Variants in ANO3 observed in about 807,000 individuals in gnomAD.
The protein encoded by ANO3 is anoctamin 3, also known as anoctamin-3.
Under a neutral mutation model 144.8 loss-of-function variants are expected in ANO3, and 99 were observed. The ratio of observed to expected loss-of-function variants is 0.68; its 90% CI spans 0.58 to 0.81. ANO3 has a LOEUF of 0.81. Among genes scored for constraint, ANO3 ranks in the 30% least tolerant of loss-of-function variants. ANO3 has a pLI of 0.00. For synonymous variants in ANO3, 414 were observed against 392.6 expected, an observed-to-expected ratio of 1.05 and a Z score of -0.64; for missense variants, 905 against 1,202.2, an observed-to-expected ratio of 0.75 and a Z score of 3.66.
chr11:26,474,519 T>C (rs1025341550), intron 4 of ANO3, among the ~76,000 whole-genome samples: 1 of 151,870 alleles, frequency 6.6e-6, no homozygotes, highest in Non-Finnish European at 1.5e-5. Flanking sequence ...TTCATCAAAA[T>C]AGAAAGTCAG....
intron 1 of ANO3, among the ~76,000 whole-genome samples, chr11:26,355,623 G>C (rs1855762251): frequency 6.7e-6 from 1 of 149,472 alleles, no homozygotes; most frequent in Non-Finnish European, 1.5e-5. Flanking sequence ...GCAATAGCAT[G>C]ATCTCAGCTC....
At chr11:26,470,859 T>C (rs1859756515) in intron 4 of ANO3, among the ~76,000 whole-genome samples, 1 of 151,960 alleles carries the variant, frequency 6.6e-6, no homozygotes, top group African/African-American at 2.4e-5. Flanking sequence ...ATACAGCTAA[T>C]AAATGACTGA....
intron 14 of ANO3, among the ~76,000 whole-genome samples, chr11:26,588,110 T>A (rs1851341279): frequency 6.6e-6 from 1 of 152,142 alleles, no homozygotes; most frequent in Non-Finnish European, 1.5e-5. Context: ...AACAGTATGG[T>A]CACTTCTGAA....
At chr11:26,253,577 AC>A (rs1401999936) in intron 1 of ANO3, among the ~76,000 whole-genome samples, 1 of 151,790 alleles carries the variant, frequency 6.6e-6, no homozygotes, top group African/African-American at 2.4e-5. Flanking sequence ...AAAAAAAAAA[AC>A]CTCACTGGAT....
At chr11:26,333,631 A>G (rs1855119336) in intron 1 of ANO3, among the ~76,000 whole-genome samples, 1 of 152,262 alleles carries the variant, frequency 6.6e-6, no homozygotes, top group Admixed American at 6.5e-5. Context: ...CACACAAGAA[A>G]CAATTTCGAA....
intron 4 of ANO3, among the ~76,000 whole-genome samples, chr11:26,463,653 C>A (rs1379987766): frequency 2.6e-5 from 4 of 151,792 alleles, no homozygotes; most frequent in African/African-American, 9.7e-5. Context: ...ATTGAGAATA[C>A]CTTATTGAAA....
At chr11:26,247,743 T>TTTTTTA in intron 1 of ANO3, among the ~76,000 whole-genome samples, 1 of 148,032 alleles carries the variant, frequency 6.8e-6, no homozygotes, top group Non-Finnish European at 1.5e-5. Flanking sequence ...TTTTTTTTTT[T>TTTTTTA]TTTGAGACGG....
chr11:26,485,467 A>T (rs1860408678), intron 4 of ANO3, among the ~76,000 whole-genome samples: 2 of 152,098 alleles, frequency 1.3e-5, no homozygotes. Flanking sequence ...CATGACTGTT[A>T]AGATTCCTGA....
At chr11:26,589,092 C>T (rs1851368743) in intron 14 of ANO3, among the ~76,000 whole-genome samples, 1 of 152,164 alleles carries the variant, frequency 6.6e-6, no homozygotes, top group Non-Finnish European at 1.5e-5. Flanking sequence ...AAAAACCAGC[C>T]TGAGGAATGT....
intron 14 of ANO3, among the ~76,000 whole-genome samples, chr11:26,578,318 TATG>T (rs1851042958): frequency 6.6e-6 from 1 of 151,752 alleles, no homozygotes; most frequent in Admixed American, 6.6e-5. Context: ...AGGGAGGAAA[TATG>T]GTCCTAAAGC....
intron 1 of ANO3, among the ~76,000 whole-genome samples, chr11:26,222,036 G>C (rs777501507): frequency 2.0e-5 from 3 of 152,048 alleles, no homozygotes; most frequent in Non-Finnish European, 4.4e-5. Context: ...CTTCCCAATA[G>C]TCCCCCCAAA....
At chr11:26,626,974 A>C (rs889731320) in intron 18 of ANO3, among the ~76,000 whole-genome samples, 1 of 152,122 alleles carries the variant, frequency 6.6e-6, no homozygotes, top group African/African-American at 2.4e-5. Context: ...GCAGTGTCTT[A>C]AGTAGGCAAT....
At chr11:26,480,101 G>A (rs570136391) in intron 4 of ANO3, among the ~76,000 whole-genome samples, 2 of 152,318 alleles carry the variant, frequency 1.3e-5, no homozygotes, top group East Asian at 3.9e-4. Context: ...GGCTGTAGAA[G>A]GAGTACAAGT....
At chr11:26,294,765 C>A (rs1480456393) in intron 1 of ANO3, among the ~76,000 whole-genome samples, 1 of 152,182 alleles carries the variant, frequency 6.6e-6, no homozygotes, top group Non-Finnish European at 1.5e-5. Flanking sequence ...TCGAAAAAAT[C>A]TTATGCCTTT....
At chr11:26,503,436 C>T (rs1364078727) in intron 4 of ANO3, among the ~76,000 whole-genome samples, 2 of 152,092 alleles carry the variant, frequency 1.3e-5, no homozygotes, top group African/African-American at 4.8e-5. Flanking sequence ...GGTTAATTAA[C>T]ATATTTGTGA....
At chr11:26,638,786 CATT>C (rs1853050800) in intron 20 of ANO3, among the ~76,000 whole-genome samples, 1 of 152,106 alleles carries the variant, frequency 6.6e-6, no homozygotes, top group Non-Finnish European at 1.5e-5. Context: ...ATATTATAAA[CATT>C]ATGCCATAGA....
At chr11:26,197,216 G>A (rs1851605527) in intron 1 of ANO3, among the ~76,000 whole-genome samples, 1 of 152,082 alleles carries the variant, frequency 6.6e-6, no homozygotes, top group Non-Finnish European at 1.5e-5. Context: ...AGTACCTTAT[G>A]TGATAGATGG....
rs186339173 is a variant in ANO3, at chr11:26,190,997, T to C, written c.154+1667T>C. ...GGTTAATATCTATCTTCTCTACCTCTATCTCCACCATGACAGCCTCTGTAC... is the reference window on the plus strand; with the variant it reads ...GGTTAATATCTATCTTCTCTACCTCCATCTCCACCATGACAGCCTCTGTAC... On this transcript the variant is annotated intron_variant, in intron 1 of 27. Transcript: ENST00000672621. Among the ~76,000 whole-genome samples the C allele has an allele frequency of 7.0e-4, 107 of 152,312 alleles. 1 individual carries two copies. The highest frequency in any genetic ancestry group is 3.4e-3 in the Middle Eastern group (1 of 294).
chr11:26,626,727 T>C lies in ANO3; in HGVS notation c.1873+2229T>C, dbSNP rs562330206. 3.9e-5 allele frequency among the ~76,000 whole-genome samples: 6 copies of C among 152,334 alleles called. No individual in the cohort carries two copies. In the South Asian group the frequency reaches 1.2e-3, roughly 32 times the overall value. On this transcript the variant is annotated intron_variant, in intron 18 of 26. Coordinates refer to ENST00000256737, the MANE Select transcript of ANO3 (RefSeq NM_031418.4). ...ATTCTTTGTTCAATAATTTACTCCT[T>C]TAAAAAATCTTTCTGGAACTCTTTA...
Sources: gnomAD v4.1 joint callset for allele counts (sites outside exome capture counted in the v4.1 genomes callset) on GRCh38, gnomAD v4.1.1 for gene constraint, MANE v1.5 for transcripts, NCBI Gene and HGNC (gene_info 2026-07-23, HGNC 2026-07-21) for gene names.